Variants in LRRC4C observed in about 807,000 individuals in gnomAD.
LRRC4C encodes the protein leucine rich repeat containing 4C.
In LRRC4C, 5 loss-of-function variants were observed where a neutral mutation model predicts 33.6. The ratio of observed to expected loss-of-function variants is 0.15; its 90% confidence interval spans 0.08 to 0.31. The LOEUF (loss-of-function observed/expected upper bound fraction) is 0.31, where lower values mean the gene tolerates loss of function less well. LRRC4C is among the 10% of genes least tolerant of loss of function. The probability of loss-of-function intolerance (pLI) is 1.00; values close to 1 mark genes in which losing one functional copy is unlikely to be tolerated. For missense variants in LRRC4C, 560 were observed against 796.7 expected (o/e 0.70, Z 3.58); for synonymous variants, 329 against 302.0 (o/e 1.09, Z -0.93).
At chr11:41,346,714 A>G (rs921922802) in intron 1 of LRRC4C, among the ~76,000 whole-genome samples, 1 of 152,232 alleles carries the variant, frequency 6.6e-6, no homozygotes, top group East Asian at 1.9e-4. Flanking sequence ...AAAAGGTTCC[A>G]AAAAGTTCCG....
chr11:41,367,101 A>G (rs1395019604), intron 1 of LRRC4C, among the ~76,000 whole-genome samples: 1 of 152,176 alleles, frequency 6.6e-6, no homozygotes, highest in African/African-American at 2.4e-5. Context: ...CCAAAGACAC[A>G]GGGAAGGTGC....
chr11:41,236,274 GA>G (rs1407829056), intron 1 of LRRC4C, among the ~76,000 whole-genome samples: 3 of 152,048 alleles, frequency 2.0e-5, no homozygotes, highest in African/African-American at 7.2e-5. Context: ...ACCAGCCTGA[GA>G]TGAACACCTC....
chr11:40,687,335 C>T (rs1945009835), intron 2 of LRRC4C, among the ~76,000 whole-genome samples: 1 of 151,922 alleles, frequency 6.6e-6, no homozygotes, highest in Non-Finnish European at 1.5e-5. Context: ...TCAATTACCA[C>T]ATTTCTACAT....
intron 2 of LRRC4C, among the ~76,000 whole-genome samples, chr11:40,736,320 A>G (rs887554202): frequency 6.6e-6 from 1 of 152,020 alleles, no homozygotes; most frequent in African/African-American, 2.4e-5. Context: ...AGCTTCATCC[A>G]TGTCCCTGCA....
chr11:41,078,723 T>G (rs1158131556), intron 1 of LRRC4C, among the ~76,000 whole-genome samples: 1 of 152,084 alleles, frequency 6.6e-6, no homozygotes, highest in Non-Finnish European at 1.5e-5. Context: ...AGATGAGATT[T>G]GGGTGGGGAT....
intron 1 of LRRC4C, among the ~76,000 whole-genome samples, chr11:41,253,731 A>T (rs77459520): frequency 0.019 from 2,875 of 152,220 alleles, 92 homozygotes; most frequent in African/African-American, 0.066. Context: ...TGATTCTAAG[A>T]TTCTACCACC....
chr11:40,131,272 G>A (rs964657839), intron 6 of LRRC4C, among the ~76,000 whole-genome samples: 12 of 152,090 alleles, frequency 7.9e-5, no homozygotes, highest in African/African-American at 2.7e-4. Context: ...ATAAAACTTA[G>A]TTTAAATGGC....
intron 1 of LRRC4C, among the ~76,000 whole-genome samples, chr11:41,115,890 T>A (rs1942096253): frequency 6.6e-6 from 1 of 152,106 alleles, no homozygotes; most frequent in Admixed American, 6.6e-5. Context: ...GCCTCCTAGC[T>A]AGCAAGGTTT....
intron 2 of LRRC4C, among the ~76,000 whole-genome samples, chr11:40,885,333 T>G (rs1955403037): frequency 6.6e-6 from 1 of 152,012 alleles, no homozygotes. Context: ...CTGAGCTCGA[T>G]AAGGAGCAAG....
chr11:40,854,131 G>A (rs1953650846), intron 2 of LRRC4C, among the ~76,000 whole-genome samples: 1 of 152,158 alleles, frequency 6.6e-6, no homozygotes, highest in Non-Finnish European at 1.5e-5. Flanking sequence ...AATGGGTAAA[G>A]AATAGCCAGT....
chr11:41,173,150 G>T (rs975587662), intron 1 of LRRC4C, among the ~76,000 whole-genome samples: 1 of 152,028 alleles, frequency 6.6e-6, no homozygotes, highest in African/African-American at 2.4e-5. Flanking sequence ...TGATCCAGTG[G>T]GGCCAATTAG....
chr11:41,308,731 A>C (rs1409396873), intron 1 of LRRC4C, among the ~76,000 whole-genome samples: 1 of 152,196 alleles, frequency 6.6e-6, no homozygotes, highest in Non-Finnish European at 1.5e-5. Context: ...ACCTGAAAAA[A>C]AAAGTTGTTT....
intron 1 of LRRC4C, among the ~76,000 whole-genome samples, chr11:41,337,251 G>A (rs1951486716): frequency 2.0e-5 from 3 of 152,086 alleles, no homozygotes; most frequent in African/African-American, 4.8e-5. Context: ...TTGCTATGTT[G>A]TCCAGGCTGG....
intron 1 of LRRC4C, among the ~76,000 whole-genome samples, chr11:41,341,371 G>A (rs913862354): frequency 1.3e-5 from 2 of 152,112 alleles, no homozygotes; most frequent in Non-Finnish European, 2.9e-5. Flanking sequence ...TTCTCTGGGC[G>A]AGGTTCTGCC....
chr11:41,449,190 G>A (rs978731049), intron 1 of LRRC4C, among the ~76,000 whole-genome samples: 18 of 152,194 alleles, frequency 1.2e-4, no homozygotes, highest in Non-Finnish European at 2.4e-4. Flanking sequence ...ACAGAGGCTA[G>A]AGCAAAGGAT....
intron 3 of LRRC4C, chr11:40,351,734 T>C (rs1389220384): frequency 6.6e-6 from 1 of 150,444 alleles, no homozygotes; most frequent in South Asian, 2.1e-4. Context: ...GTATTTACAA[T>C]CATTATATCC....
intron 2 of LRRC4C, among the ~76,000 whole-genome samples, chr11:40,853,901 C>T (rs1953637194): frequency 6.6e-6 from 1 of 152,144 alleles, no homozygotes; most frequent in Non-Finnish European, 1.5e-5. Context: ...ATGTGAAGGA[C>T]ACATTTCACT....
chr11:40,615,251 TATATATATATATATACACAC>T (rs1386233754), intron 3 of LRRC4C, among the ~76,000 whole-genome samples: 1 of 87,488 alleles, frequency 1.1e-5, no homozygotes, highest in African/African-American at 3.4e-5. Context: ...TATATATATA[TATATATATATATATACACAC>T]ACACACACAT....
intron 2 of LRRC4C, among the ~76,000 whole-genome samples, chr11:40,806,754 T>C (rs568059856): frequency 7.2e-5 from 11 of 152,334 alleles, no homozygotes; most frequent in Non-Finnish European, 1.2e-4. Context: ...CCCAGAAATG[T>C]ATACATCTGC....
Sources: gnomAD v4.1 joint callset for allele counts (sites outside exome capture counted in the v4.1 genomes callset) on GRCh38, gnomAD v4.1.1 for gene constraint, MANE v1.5 for transcripts, NCBI Gene and HGNC (gene_info 2026-07-23, HGNC 2026-07-21) for gene names.